The following TNFAIP3 variants were observed in gnomAD, a reference collection of about 807,000 sequenced individuals.
The protein encoded by TNFAIP3 is TNF alpha induced protein 3.
A neutral mutation model predicts 72.4 loss-of-function variants in TNFAIP3; 9 were observed. The observed-to-expected ratio is 0.12, with a 90% CI of 0.07 to 0.22. The LOEUF is 0.22. Among genes scored for constraint, TNFAIP3 ranks in the 10% least tolerant of loss-of-function variants. The pLI is 1.00. For synonymous variants in TNFAIP3, 339 were observed against 372.6 expected (o/e 0.91, Z 1.04); for missense variants, 833 against 1,018.7 (o/e 0.82, Z 2.48).
At chr6:137,873,806 G>A (rs536578835) in intron 2 of TNFAIP3, among the ~76,000 whole-genome samples, 1 of 152,306 alleles carries the variant, frequency 6.6e-6, no homozygotes, top group South Asian at 2.1e-4. Context: ...GGCTGTGGAA[G>A]TATATTTGAG....
At chr6:137,869,066 A>G (rs1021195276) in intron 1 of TNFAIP3, among the ~76,000 whole-genome samples, 4 of 152,226 alleles carry the variant, frequency 2.6e-5, no homozygotes, top group African/African-American at 9.6e-5. Context: ...TGATTGTGGC[A>G]GGCACTGTAG....
At position 137,881,938 on chromosome 6, in the gene TNFAIP3, T is replaced by C; in HGVS notation, c.*619T>C. ...CATCCATGGACTGTGATTCTGAGGC[T>C]GCTGAGACTGAACATGTTCACATTG... On this transcript the variant is annotated 3_prime_UTR_variant, in exon 9 of 9. Transcript: ENST00000612899. This position sits in a 1 kb window ranked among gnomAD's most constrained non-coding sequence, Gnocchi z 5.0. The C allele has an allele frequency of 4.3e-6, 1 of 231,990 alleles. No individual in the cohort carries two copies. The highest frequency in any genetic ancestry group is 2.2e-5 in the African/African-American group (1 of 45,388). The allele number at this position is 231,990 out of a possible 1,614,324, so 14.4% of individuals were successfully genotyped here.
intron 2 of TNFAIP3, among the ~76,000 whole-genome samples, chr6:137,872,888 G>C (rs1207857755): frequency 2.0e-5 from 3 of 152,004 alleles, no homozygotes; most frequent in African/African-American, 7.3e-5. Flanking sequence ...TAAAAATGTG[G>C]TAGAAAGAGG....
In TNFAIP3 at chr6:137,879,141, G is replaced by T; in HGVS notation, c.1696G>T (p.Asp566Tyr). The stretch of plus-strand genomic sequence containing the variant: ...TTCCTGTCACCAGCGTTCCAAGTCA[G>T]ATCCCTCGCGGCTCGTCCGGAGCCC... ...PPSCHQRSKSDPSRLVRSPSP... is the reference protein window; with the variant it reads ...PPSCHQRSKSYPSRLVRSPSP... Residue 566 changes from aspartate (D) to tyrosine (Y), a missense_variant, in exon 7 of 9, where the codon GAT (aspartate) becomes TAT (tyrosine). Transcript: ENST00000612899. 1 of 1,614,132 alleles carries T rather than the reference G, an allele frequency of 6.2e-7. No homozygotes were observed.
Position 137,878,625 on chromosome 6 carries a change from T to C in TNFAIP3, c.1180T>C (p.Phe394Leu). 1.2e-6 allele frequency: 2 copies of C among 1,614,262 alleles called. No homozygotes were observed. The highest frequency in any genetic ancestry group is 1.7e-5 in the Admixed American group (1 of 60,028). ...DVKCETPNCP[F>L]FMSVNTQPLC... ...AAAATGTGAAACGCCCAACTGCCCCTTCTTCATGTCTGTGAACACCCAGCC... is the reference window on the plus strand; with the variant it reads ...AAAATGTGAAACGCCCAACTGCCCCCTCTTCATGTCTGTGAACACCCAGCC... Residue 394 changes from phenylalanine (F) to leucine (L), a missense_variant, in exon 7 of 9, where the codon TTC becomes CTC. Around this residue, in one of 2 missense-constraint regions of TNFAIP3, gnomAD observed 587 missense variants for 657.8 expected, o/e 0.89. Transcript: ENST00000612899.
In TNFAIP3 at chr6:137,878,720, G is replaced by A. The variant is rs373211004; in HGVS notation, c.1275G>A (p.Pro425=). The A allele has an allele frequency of 9.9e-6, 16 of 1,613,972 alleles. No individual in the cohort carries two copies. The highest frequency in any genetic ancestry group is 6.6e-5 in the South Asian group (6 of 91,090). The change falls in exon 7 of 9, where the codon CCG becomes CCA. Residue 425 remains proline, a synonymous_variant. Transcript: ENST00000612899. The part of the protein sequence containing the change: ...QNKLPKLNSK[P]GPEGLPGMAL... ...AACTCCCAAAGCTGAACTCCAAGCC[G>A]GGCCCTGAGGGGCTCCCTGGCATGG... is the stretch of plus-strand genomic sequence containing the variant.
In TNFAIP3 at chr6:137,871,091, T is replaced by C. The variant is rs2114454575; in HGVS notation, c.-15-122T>C. 1 of 861,764 alleles carries C rather than the reference T, an allele frequency of 1.2e-6. No homozygotes were observed. The highest frequency in any genetic ancestry group is 1.8e-6 in the Non-Finnish European group (1 of 571,318). The allele number at this position is 861,764 out of a possible 1,614,324, so 53.4% of individuals were successfully genotyped here. ...TCCCGGGAGTAGAGGTGCTAAGATC[T>C]TTTGCCTACAGATCAGGGTAATGAC... On this transcript the variant is annotated intron_variant, in intron 1 of 8. Coordinates refer to ENST00000612899, the MANE Select transcript of TNFAIP3 (RefSeq NM_001270508.2). This position sits in a 1 kb window ranked among gnomAD's most constrained non-coding sequence, Gnocchi z 4.2.
At chr6:137,868,397 A>C (rs958143910) in intron 1 of TNFAIP3, among the ~76,000 whole-genome samples, 5 of 152,140 alleles carry the variant, frequency 3.3e-5, no homozygotes, top group Admixed American at 6.5e-5. Context: ...CCGCAACCTT[A>C]ATGTACCAGA....
chr6:137,879,718 T>C (rs1776385011), intron 7 of TNFAIP3, among the ~76,000 whole-genome samples: 1 of 152,052 alleles, frequency 6.6e-6, no homozygotes, highest in Admixed American at 6.5e-5. Flanking sequence ...ATCTGAAGAG[T>C]AGTAACTGGA....
rs747254301 is a variant in TNFAIP3, at chr6:137,882,401, C to A, written c.*1082C>A. ...CACAGTGTTCTCCTGAGAGAACATC[C>A]TTGCTTTGAGTCAGGCTGTGGGCAA... On this transcript the variant is annotated 3_prime_UTR_variant, in exon 9 of 9. Transcript: ENST00000612899. 4.3e-6 allele frequency: 1 copy of A among 232,790 alleles called. No homozygotes were observed. The highest frequency in any genetic ancestry group is 2.2e-5 in the African/African-American group (1 of 45,274). 14.4% of individuals were successfully genotyped at this position (232,790 alleles called of 1,614,324 possible). A position where few individuals can be genotyped will look rare whatever the true frequency, so the allele number is the denominator to read the frequency against.
In TNFAIP3 at chr6:137,878,783, G is replaced by C; in HGVS notation, c.1338G>C (p.Leu446Phe). 1 of 1,614,084 alleles carries C rather than the reference G, an allele frequency of 6.2e-7. No homozygotes were observed. The highest frequency in any genetic ancestry group is 1.3e-5 in the African/African-American group (1 of 75,052). ...GASRGEAYEP[L>F]AWNPEESTGG... is the part of the protein sequence containing the mutation. ...CTCGGGGAGAAGCCTATGAGCCCTT[G>C]GCGTGGAACCCTGAGGAGTCCACTG... is the stretch of plus-strand genomic sequence containing the variant. The change falls in exon 7 of 9, where the codon TTG becomes TTC. Residue 446 changes from leucine to phenylalanine, a missense_variant. Physicochemically the swap from Leu to Phe is conservative, Grantham distance 22. This residue lies in a region of TNFAIP3 where 587 missense variants were observed against 657.8 expected (regional missense o/e 0.89). Coordinates refer to ENST00000612899, the MANE Select transcript of TNFAIP3 (RefSeq NM_001270508.2).
In TNFAIP3 at chr6:137,878,622, C is replaced by T; in HGVS notation, c.1177C>T (p.Pro393Ser). Reference protein sequence around the residue: ...MDVKCETPNCPFFMSVNTQPL... With the variant: ...MDVKCETPNCSFFMSVNTQPL... Reference sequence around the variant, plus strand: ...TGTAAAATGTGAAACGCCCAACTGCCCCTTCTTCATGTCTGTGAACACCCA... The same window carrying T: ...TGTAAAATGTGAAACGCCCAACTGCTCCTTCTTCATGTCTGTGAACACCCA... The change falls in exon 7 of 9, where the codon CCC (proline) becomes TCC (serine). Residue 393 changes from proline to serine, a missense_variant. By Grantham distance (74) the Pro-to-Ser change is moderately conservative (BLOSUM62 -1). Transcript: ENST00000612899. 15 of 1,614,234 alleles carry T rather than the reference C, an allele frequency of 9.3e-6. No individual in the cohort carries two copies. Among genetic ancestry groups the T allele is most frequent in the Non-Finnish European group, 9.3e-6 (11 of 1,180,044 alleles).
chr6:137,874,362 A>T (rs1201799077), intron 2 of TNFAIP3, among the ~76,000 whole-genome samples: 2 of 152,214 alleles, frequency 1.3e-5, no homozygotes, highest in Admixed American at 1.3e-4. Context: ...GACCATCCCT[A>T]TCTAGCAAGC....
intron 8 of TNFAIP3, 145 bp from the exon 9 acceptor site, chr6:137,880,890 G>A (rs934944213): frequency 1.9e-5 from 15 of 809,190 alleles, no homozygotes; most frequent in Non-Finnish European, 2.9e-5. Context: ...CTCATAGACT[G>A]CAATGCTCTC....
chr6:137,866,614 C>T (rs1775843288), upstream of TNFAIP3: 1 of 152,452 alleles, frequency 6.6e-6, no homozygotes. Flanking sequence ...CGGGTGTCCC[C>T]TGGGACCTAC....
At chr6:137,866,683 T>A (rs1775844725), upstream of TNFAIP3, 1 of 152,450 alleles carries the variant, frequency 6.6e-6, no homozygotes, top group African/African-American at 2.4e-5. Context: ...GACCAAAGGC[T>A]GTCACCGCTG....
intron 2 of TNFAIP3, among the ~76,000 whole-genome samples, chr6:137,873,173 AT>A (rs770170122): frequency 4.3e-4 from 66 of 152,288 alleles, no homozygotes; most frequent in Non-Finnish European, 8.1e-4. Context: ...AAGAAAAGAT[AT>A]TTAGGGAGGG....
chr6:137,871,536 T>G lies in TNFAIP3; in HGVS notation c.295+14T>G, dbSNP rs1776063999. The G allele has an allele frequency of 1.2e-6, 2 of 1,608,578 alleles. No individual in the cohort carries two copies. The highest frequency in any genetic ancestry group is 1.7e-6 in the Non-Finnish European group (2 of 1,176,290). ...TGAAAACGAACGGTAAGACTTGTTC[T>G]GTTGTGTTTCTTTTGCCTGGGTGAT... On this transcript the variant is annotated intron_variant, in intron 2 of 8. Coordinates refer to ENST00000612899, the MANE Select transcript of TNFAIP3 (RefSeq NM_001270508.2). This position sits in a 1 kb window ranked among gnomAD's most constrained non-coding sequence, Gnocchi z 4.2.
At position 137,877,216 on chromosome 6, in the gene TNFAIP3, G is replaced by A. The variant is rs1301419455; in HGVS notation, c.946G>A (p.Gly316Ser). Residue 316 changes from glycine to serine, a missense_variant, in exon 6 of 9, where the codon GGC becomes AGC. Around this residue, in one of 2 missense-constraint regions of TNFAIP3, gnomAD observed 587 missense variants for 657.8 expected, o/e 0.89. Coordinates refer to ENST00000612899, the MANE Select transcript of TNFAIP3 (RefSeq NM_001270508.2). ...YLMVIEIPVQ[G>S]WDHGTTHLIN... ...AATGGTGATAGAAATCCCCGTCCAA[G>A]GCTGGGACCATGGCACAACTCATCT... The A allele has an allele frequency of 1.5e-5, 25 of 1,613,596 alleles. No individual in the cohort carries two copies. Among genetic ancestry groups the A allele is most frequent in the Non-Finnish European group, 1.8e-5 (21 of 1,179,878 alleles).
Sources: gnomAD v4.1 joint callset for allele counts (sites outside exome capture counted in the v4.1 genomes callset) on GRCh38, gnomAD v4.1.1 for gene constraint, gnomAD v4.1.1 regional missense constraint, Gnocchi (gnomAD v3.1) non-coding constraint, MANE v1.5 for transcripts, NCBI Gene and HGNC (gene_info 2026-07-23, HGNC 2026-07-21) for gene names.